MBD5: variants seen among roughly 807,000 people sequenced by gnomAD.
MBD5 encodes the protein methyl-CpG-binding domain protein 5.
A neutral mutation model predicts 117.3 loss-of-function variants in MBD5; 13 were observed. The observed-to-expected ratio is 0.11, with a 90% CI of 0.07 to 0.18. The LOEUF (loss-of-function observed/expected upper bound fraction) is 0.18, where lower values mean the gene tolerates loss of function less well. Among genes scored for constraint, MBD5 ranks in the 10% least tolerant of loss-of-function variants. The probability of loss-of-function intolerance (pLI) is 1.00; values close to 1 mark genes in which losing one functional copy is unlikely to be tolerated. For missense variants in MBD5, 1,879 were observed against 2,093.8 expected (o/e 0.90, Z 2.00); for synonymous variants, 727 against 766.4 (o/e 0.95, Z 0.85).
chr2:148,139,114 A>G (rs1697243913), intron 1 of MBD5, among the ~76,000 whole-genome samples: 1 of 152,084 alleles, frequency 6.6e-6, no homozygotes, highest in South Asian at 2.1e-4. Context: ...TGCCCTATTG[A>G]TTATCTATAA....
At chr2:148,462,488 C>A in intron 5 of MBD5, 94 bp from the exon 6 acceptor site, 2 of 812,456 alleles carry the variant, frequency 2.5e-6, no homozygotes, top group Non-Finnish European at 4.2e-6. Context: ...GAAAATATCC[C>A]ATAAAGGACA....
rs562022052 is a variant in MBD5 at position 148,236,978 on chromosome 2, G to C, written c.-680+3583G>C. On this transcript the variant is annotated intron_variant, in intron 3 of 13. Transcript: ENST00000642680. ...TCACTTTGTACTTCTATGTTGTGTA[G>C]ACAACTTCTTTCCTTAAACCTCATG... 7.2e-5 allele frequency among the ~76,000 whole-genome samples: 11 copies of C among 152,274 alleles called. No individual in the cohort carries two copies. In the East Asian group the frequency reaches 7.7e-4, roughly 11 times the overall value.
At chr2:148,276,099 GC>G (rs1559001450) in intron 3 of MBD5, among the ~76,000 whole-genome samples, 1 of 152,014 alleles carries the variant, frequency 6.6e-6, no homozygotes, top group Non-Finnish European at 1.5e-5. Flanking sequence ...ATCACCTGAT[GC>G]CAGGAGTTTG....
In MBD5 at chr2:148,154,887, A is replaced by G. The variant is rs1024771271; in HGVS notation, c.-924-23813A>G. On this transcript the variant is annotated intron_variant, in intron 1 of 13. Coordinates refer to ENST00000642680, the MANE Select transcript of MBD5 (RefSeq NM_001378120.1). Reference sequence around the variant, plus strand: ...TCAGATGGAAATGCAGAAATCACCCATCTTCTGCGTCGCTCACGCTGGGAG... The same window carrying G: ...TCAGATGGAAATGCAGAAATCACCCGTCTTCTGCGTCGCTCACGCTGGGAG... Among the ~76,000 whole-genome samples the G allele has an allele frequency of 5.3e-5, 8 of 152,154 alleles. No homozygotes were observed. In the South Asian group the frequency reaches 1.5e-3, roughly 28 times the overall value.
At chr2:148,219,092 C>T (rs75302641) in intron 2 of MBD5, among the ~76,000 whole-genome samples, 8 of 152,172 alleles carry the variant, frequency 5.3e-5, no homozygotes, top group Admixed American at 5.2e-4. Context: ...CAATCATGTA[C>T]AGCTGTGCAA....
At chr2:148,364,485 C>T (rs899875421) in intron 4 of MBD5, among the ~76,000 whole-genome samples, 7 of 152,218 alleles carry the variant, frequency 4.6e-5, no homozygotes. Context: ...ATCAAATTCA[C>T]ACATAACAGT....
intron 1 of MBD5, among the ~76,000 whole-genome samples, chr2:148,067,927 T>C (rs1306980511): frequency 6.6e-6 from 1 of 152,240 alleles, no homozygotes; most frequent in African/African-American, 2.4e-5. Flanking sequence ...GTCAACTGTG[T>C]TAATAGACAA....
chr2:148,031,142 C>T (rs1694026535), intron 1 of MBD5, among the ~76,000 whole-genome samples: 1 of 151,992 alleles, frequency 6.6e-6, no homozygotes, highest in South Asian at 2.1e-4. Context: ...TATGTTCACT[C>T]AAAATACAGA....
intron 1 of MBD5, chr2:148,024,973 T>C (rs916649546): frequency 6.6e-6 from 1 of 152,202 alleles, no homozygotes; most frequent in Non-Finnish European, 1.5e-5. Context: ...CAGACAATTA[T>C]CAACTTTCCA....
At chr2:148,456,442 G>T (rs547576200) in intron 4 of MBD5, among the ~76,000 whole-genome samples, 6 of 152,124 alleles carry the variant, frequency 3.9e-5, no homozygotes, top group Admixed American at 3.9e-4. Flanking sequence ...CTACGGATTT[G>T]GGGGGGACAC....
At chr2:148,364,033 C>T (rs941039653) in intron 4 of MBD5, among the ~76,000 whole-genome samples, 19 of 152,090 alleles carry the variant, frequency 1.2e-4, no homozygotes, top group African/African-American at 4.6e-4. Flanking sequence ...CAACCCAAGA[C>T]ACATAATCGA....
chr2:148,102,700 TCACACACACACACA>T (rs72105542), intron 1 of MBD5, among the ~76,000 whole-genome samples: 6 of 131,826 alleles, frequency 4.6e-5, no homozygotes, highest in Non-Finnish European at 9.3e-5. Context: ...GAGAGAGAGA[TCACACACACACACA>T]CACACACACA....
Position 148,468,356 on chromosome 2 carries a change from T to C in MBD5, c.413T>C (p.Val138Ala), listed in dbSNP as rs2105622190. The C allele has an allele frequency of 1.2e-6, 2 of 1,613,532 alleles. No individual in the cohort carries two copies. The highest frequency in any genetic ancestry group is 1.7e-6 in the Non-Finnish European group (2 of 1,179,680). The stretch of plus-strand genomic sequence containing the variant: ...TTCACATCAGATGCAACTCCAGTAG[T>C]ACCTTCTCGGGCAGCAACTCCAAGA... Reference protein sequence around the residue: ...PGGGTNATPVVPSRAATPRSV... With the variant: ...PGGGTNATPVAPSRAATPRSV... Residue 138 changes from valine to alanine, a missense_variant, in exon 8 of 14, where the codon GTA becomes GCA. Val to Ala is a moderately conservative substitution (Grantham distance 64, BLOSUM62 0). Transcript: ENST00000642680.
rs1421380540 is a variant in MBD5 at position 148,490,563 on chromosome 2, A to G, written c.4931A>G (p.Asn1644Ser). Residue 1644 changes from asparagine (N) to serine (S), a missense_variant, in exon 11 of 14, where the codon AAT (asparagine) becomes AGT (serine). This residue lies in a region of MBD5 where 135 missense variants were observed against 148.0 expected (regional missense o/e 0.91). Coordinates refer to ENST00000642680, the MANE Select transcript of MBD5 (RefSeq NM_001378120.1). ...GKLVREDDVH[N>S]SCQQSPEEGK... ...TTAGTAAGAGAAGACGACGTTCACA[A>G]TTCATGTCAACAAAGCCCCGAGGAA... 1 of 1,614,198 alleles carries G rather than the reference A, an allele frequency of 6.2e-7. No homozygotes were observed. The highest frequency in any genetic ancestry group is 8.5e-7 in the Non-Finnish European group (1 of 1,180,024).
intron 9 of MBD5, 110 bp downstream of exon 9, chr2:148,484,245 T>C (rs1681263712): frequency 1.0e-6 from 1 of 957,726 alleles, no homozygotes; most frequent in African/African-American, 1.7e-5. Context: ...ATGTTTTTGT[T>C]ATGTCACAGC....
At chr2:148,040,262 G>T (rs943873763) in intron 1 of MBD5, among the ~76,000 whole-genome samples, 35 of 152,124 alleles carry the variant, frequency 2.3e-4, no homozygotes, top group African/African-American at 7.5e-4. Context: ...GAAGGAAGAG[G>T]TGGGAAGACC....
At chr2:148,491,297 CT>C (rs543680655) in intron 11 of MBD5, among the ~76,000 whole-genome samples, 21,331 of 128,400 alleles carry the variant, frequency 0.17, 2,158 homozygotes, top group African/African-American at 0.33. Flanking sequence ...TCTTCTGGGC[CT>C]TTTTTTTTTT....
At position 148,209,632 on chromosome 2, in the gene MBD5, T is replaced by C. The variant is rs191084653; in HGVS notation, c.-830-23613T>C. On this transcript the variant is annotated intron_variant, in intron 2 of 13. Coordinates refer to ENST00000642680, the MANE Select transcript of MBD5 (RefSeq NM_001378120.1). ...CATTGCTATAACGGAATAATGAGAC[T>C]GGCATTTATAAAGGAAAAAGATTTA... Among the ~76,000 whole-genome samples, 73 of 152,150 alleles carry C rather than the reference T, an allele frequency of 4.8e-4. No individual in the cohort carries two copies. In the East Asian group the frequency reaches 0.012, roughly 25 times the overall value.
At chr2:148,229,773 A>C (rs894876062) in intron 2 of MBD5, among the ~76,000 whole-genome samples, 2 of 152,174 alleles carry the variant, frequency 1.3e-5, no homozygotes. Flanking sequence ...TACTGCCTTG[A>C]TGGTCCTGGA....
Sources: allele counts gnomAD v4.1 joint callset (sites outside exome capture counted in the v4.1 genomes callset), GRCh38; gene constraint gnomAD v4.1.1; regional missense constraint gnomAD v4.1.1; transcripts MANE v1.5; gene names NCBI Gene and HGNC (gene_info 2026-07-23, HGNC 2026-07-21).